The following SLIT3 variants were observed in gnomAD, a reference collection of about 807,000 sequenced individuals.
The protein encoded by SLIT3 is slit homolog 3 protein.
SLIT3 carries 68 observed loss-of-function variants against 184.0 expected under a neutral mutation model. The ratio of observed to expected loss-of-function variants is 0.37; its 90% CI spans 0.30 to 0.45. The LOEUF is 0.45. Ranked by LOEUF, SLIT3 falls within the 20% of genes least tolerant of loss-of-function variation. The pLI, the probability that SLIT3 is intolerant of heterozygous loss-of-function variation, is 1.00. For missense variants in SLIT3, 1,707 were observed against 2,026.0 expected (o/e 0.84, Z 3.02); for synonymous variants, 831 against 828.6 (o/e 1.00, Z -0.05).
intron 31 of SLIT3, 42 bp from the exon 32 acceptor site, chr5:168,684,138 AGACT>A (rs1761675009): frequency 6.6e-7 from 1 of 1,510,856 alleles, no homozygotes; most frequent in Non-Finnish European, 8.9e-7. Flanking sequence ...GGCTTACCTG[AGACT>A]GAACCTTCCC....
chr5:169,276,646 T>C (rs1384787894), intron 1 of SLIT3, among the ~76,000 whole-genome samples: 1 of 152,238 alleles, frequency 6.6e-6, no homozygotes, highest in African/African-American at 2.4e-5. Flanking sequence ...TTCATATTTA[T>C]CATCTTTGTG....
At chr5:168,755,119 T>G (rs11950240) in intron 16 of SLIT3, among the ~76,000 whole-genome samples, 15,060 of 152,214 alleles carry the variant, frequency 0.099, 2,519 homozygotes, top group African/African-American at 0.35. Context: ...AAACGATGGC[T>G]GTCGGACTCA....
intron 6 of SLIT3, among the ~76,000 whole-genome samples, chr5:168,824,369 A>G (rs937222460): frequency 1.3e-5 from 2 of 152,214 alleles, no homozygotes; most frequent in African/African-American, 4.8e-5. Context: ...AGGGAAAAGC[A>G]AAGAGAAAGG....
intron 1 of SLIT3, among the ~76,000 whole-genome samples, chr5:169,297,114 C>T (rs1767526439): frequency 6.6e-6 from 1 of 152,188 alleles, no homozygotes. Context: ...TTTCAGGCAC[C>T]GCCATCCACT....
At position 168,919,777 on chromosome 5, in the gene SLIT3, G is replaced by A. The variant is rs117227934; in HGVS notation, c.414-36441C>T. Among the ~76,000 whole-genome samples, 293 of 151,888 alleles carry A rather than the reference G, an allele frequency of 1.9e-3. 2 individuals are homozygous for A. In the East Asian group the frequency reaches 0.024, roughly 12 times the overall value. ...AAACTCCAAAAGGCTTTACTTTTTC[G>A]ATCCTAATAGTAACATTATGTTTTG... On this transcript the variant is annotated intron_variant, in intron 4 of 35. Transcript: ENST00000519560.
intron 4 of SLIT3, among the ~76,000 whole-genome samples, chr5:169,088,281 G>A (rs566896881): frequency 6.6e-6 from 1 of 152,242 alleles, no homozygotes; most frequent in Non-Finnish European, 1.5e-5. Flanking sequence ...TAGCCAGGTG[G>A]TTCACGGTGT....
At chr5:168,903,611 A>G (rs976020445) in intron 4 of SLIT3, among the ~76,000 whole-genome samples, 2 of 152,152 alleles carry the variant, frequency 1.3e-5, no homozygotes, top group Non-Finnish European at 2.9e-5. Context: ...CGGGGGCAGC[A>G]GGGTCTTCAG....
intron 5 of SLIT3, among the ~76,000 whole-genome samples, chr5:168,868,380 T>C (rs1759384310): frequency 6.6e-6 from 1 of 152,178 alleles, no homozygotes; most frequent in Non-Finnish European, 1.5e-5. Flanking sequence ...AACTTTGAAC[T>C]CCTGGGTTCA....
chr5:168,928,143 T>C lies in SLIT3; in HGVS notation c.414-44807A>G, dbSNP rs553503032. ...CAAATAACAGGTACTCTTTGTTTAA[T>C]GTGGCATGTTCCAAATTTTTGCAGT... is the stretch of plus-strand genomic sequence containing the variant. On this transcript the variant is annotated intron_variant, in intron 4 of 35. Transcript: ENST00000519560. 1.4e-3 allele frequency among the ~76,000 whole-genome samples: 219 copies of C among 152,346 alleles called. 1 individual carries two copies. Among genetic ancestry groups the C allele is most frequent in the Admixed American group, 2.0e-3 (31 of 15,306 alleles).
chr5:169,124,122 C>T (rs1760990419), intron 4 of SLIT3, among the ~76,000 whole-genome samples: 1 of 152,154 alleles, frequency 6.6e-6, no homozygotes, highest in South Asian at 2.1e-4. Flanking sequence ...CTGTAAAGGG[C>T]CCCCTTTTTT....
chr5:169,187,869 T>TA (rs34656361), intron 4 of SLIT3, among the ~76,000 whole-genome samples: 63,932 of 146,520 alleles, frequency 0.44, 14,849 homozygotes, highest in Middle Eastern at 0.58. Flanking sequence ...GATAAATTCT[T>TA]AAAAAAAAAA....
intron 1 of SLIT3, among the ~76,000 whole-genome samples, chr5:169,278,519 A>G (rs572981142): frequency 6.6e-6 from 1 of 152,318 alleles, no homozygotes; most frequent in East Asian, 1.9e-4. Context: ...CACTTAGCAC[A>G]GTGCCTGGCA....
chr5:168,947,138 T>TAC (rs141683153), intron 4 of SLIT3, among the ~76,000 whole-genome samples: 8,097 of 152,106 alleles, frequency 0.053, 297 homozygotes, highest in East Asian at 0.13. Flanking sequence ...AATTAGATCC[T>TAC]ACACACACAC....
chr5:169,044,587 T>TGGGGGGGGGAGGAGGG (rs1757560724), intron 4 of SLIT3, among the ~76,000 whole-genome samples: 2 of 70,644 alleles, frequency 2.8e-5, no homozygotes, highest in African/African-American at 4.2e-5. Context: ...TGGAGGAAGG[T>TGGGGGGGGGAGGAGGG]GGGGGGGGGG....
At chr5:169,099,273 G>C (rs907290796) in intron 4 of SLIT3, among the ~76,000 whole-genome samples, 8 of 152,150 alleles carry the variant, frequency 5.3e-5, no homozygotes, top group Non-Finnish European at 7.3e-5. Flanking sequence ...AAGCCCCCAA[G>C]ACAGTGGCCT....
At chr5:168,975,146 C>T (rs2113337257) in intron 4 of SLIT3, among the ~76,000 whole-genome samples, 1 of 152,252 alleles carries the variant, frequency 6.6e-6, no homozygotes, top group South Asian at 2.1e-4. Context: ...CTTCCTATAC[C>T]TGGCAGATGA....
In SLIT3 at chr5:168,965,333, T is replaced by C. The variant is rs552440572; in HGVS notation, c.414-81997A>G. 1.3e-3 allele frequency among the ~76,000 whole-genome samples: 197 copies of C among 152,330 alleles called. 1 individual carries two copies. Among genetic ancestry groups the C allele is most frequent in the African/African-American group, 4.5e-3 (185 of 41,570 alleles). ...TGCTCACTTCAACAAGGAAAGATAC[T>C]CACTTTAAGTGGATCTAAAACAGAA... On this transcript the variant is annotated intron_variant, in intron 4 of 35. Coordinates refer to ENST00000519560, the MANE Select transcript of SLIT3 (RefSeq NM_003062.4).
intron 5 of SLIT3, among the ~76,000 whole-genome samples, chr5:168,866,501 C>G (rs1759306663): frequency 6.6e-6 from 1 of 152,240 alleles, no homozygotes; most frequent in Admixed American, 6.5e-5. Flanking sequence ...CCTATCTCAT[C>G]TCCACTCCTG....
chr5:169,072,476 G>C (rs1758588686), intron 4 of SLIT3, among the ~76,000 whole-genome samples: 1 of 152,188 alleles, frequency 6.6e-6, no homozygotes, highest in African/African-American at 2.4e-5. Context: ...TTCATTCCAG[G>C]TCTCTCCAGC....
Sources: allele counts gnomAD v4.1 joint callset (sites outside exome capture counted in the v4.1 genomes callset), GRCh38; gene constraint gnomAD v4.1.1; transcripts MANE v1.5; gene names NCBI Gene and HGNC (gene_info 2026-07-23, HGNC 2026-07-21).